Variants in PRUNE2 observed in about 807,000 individuals in gnomAD.
PRUNE2 encodes the protein prune homolog 2 with BCH domain, also known as protein prune homolog 2.
Under a neutral mutation model 252.0 loss-of-function variants are expected in PRUNE2, and 164 were observed. The ratio of observed to expected loss-of-function variants is 0.65; its 90% confidence interval spans 0.57 to 0.74. PRUNE2 has a LOEUF of 0.74. Ranked by LOEUF, PRUNE2 falls within the 30% of genes least tolerant of loss-of-function variation. The pLI, the probability that PRUNE2 is intolerant of heterozygous loss-of-function variation, is 0.00. For missense variants in PRUNE2, 3,495 were observed against 3,711.0 expected, an observed-to-expected ratio of 0.94 and a Z score of 1.51; for synonymous variants, 1,292 against 1,350.2, an observed-to-expected ratio of 0.96 and a Z score of 0.94.
At position 76,811,924 on chromosome 9, in the gene PRUNE2, G is replaced by A. The variant is rs530034557; in HGVS notation, c.756+11708C>T. 5.9e-5 allele frequency among the ~76,000 whole-genome samples: 9 copies of A among 152,316 alleles called. No individual in the cohort carries two copies. In the South Asian group the frequency reaches 6.2e-4, roughly 11 times the overall value. On this transcript the variant is annotated intron_variant, in intron 6 of 18. Transcript: ENST00000376718. Reference sequence around the variant, plus strand: ...TACTACCTAGGCAGAAGAAGTAGCCGTGAAGAATGGCGCTGTAGTTGCTGA... The same window carrying A: ...TACTACCTAGGCAGAAGAAGTAGCCATGAAGAATGGCGCTGTAGTTGCTGA...
intron 6 of PRUNE2, among the ~76,000 whole-genome samples, chr9:76,762,724 T>G (rs144271014): frequency 1.3e-5 from 2 of 152,146 alleles, no homozygotes; most frequent in African/African-American, 2.4e-5. Flanking sequence ...CACGACCACA[T>G]GAGATTGAGC....
At chr9:76,833,355 T>C (rs1003095208) in intron 4 of PRUNE2, among the ~76,000 whole-genome samples, 3 of 152,190 alleles carry the variant, frequency 2.0e-5, no homozygotes, top group South Asian at 2.1e-4. Context: ...ATCACCTAGA[T>C]AGACAGATAT....
At chr9:76,755,122 C>T (rs1469625410) in intron 6 of PRUNE2, among the ~76,000 whole-genome samples, 3 of 152,054 alleles carry the variant, frequency 2.0e-5, no homozygotes, top group Non-Finnish European at 4.4e-5. Context: ...TCTGTATTCC[C>T]AAACCCTGAT....
chr9:76,655,362 A>C, intron 10 of PRUNE2, 61 bp downstream of exon 10: 2 of 1,170,454 alleles, frequency 1.7e-6, no homozygotes, highest in Non-Finnish European at 2.5e-6. Flanking sequence ...TCTTTCACTG[A>C]ATAATGAAAA....
intron 15 of PRUNE2, among the ~76,000 whole-genome samples, chr9:76,632,332 A>G (rs1012549673): frequency 5.3e-5 from 8 of 152,170 alleles, no homozygotes; most frequent in Non-Finnish European, 1.0e-4. Context: ...CTTTTTTCAT[A>G]TCTACAAGTT....
intron 10 of PRUNE2, 56 bp downstream of exon 10, chr9:76,655,367 T>C: frequency 8.1e-7 from 1 of 1,233,312 alleles, no homozygotes; most frequent in Non-Finnish European, 1.2e-6. Context: ...CACTGAATAA[T>C]GAAAACGTTG....
chr9:76,724,130 G>A (rs2047889136), intron 6 of PRUNE2, among the ~76,000 whole-genome samples: 1 of 148,614 alleles, frequency 6.7e-6, no homozygotes, highest in African/African-American at 2.5e-5. Context: ...GAAAATGTTT[G>A]GGAGATAATT....
chr9:76,818,177 A>G (rs1016621804), intron 6 of PRUNE2, among the ~76,000 whole-genome samples: 3 of 152,160 alleles, frequency 2.0e-5, no homozygotes, highest in African/African-American at 7.2e-5. Context: ...CTTTCACAAA[A>G]TAAGAGAGTT....
chr9:76,708,174 G>A lies in PRUNE2; in HGVS notation c.4100C>T (p.Ser1367Phe), dbSNP rs182914909. ...TTCCTGATGTTCAGATGCAACCAGA[G>A]AAGACAGTTCCTGGTCACTCTGCCC... ...EKGQSDQELS[S>F]LVASEHQEIC... The change falls in exon 8 of 19, where the codon TCT (serine) becomes TTT (phenylalanine). Residue 1367 changes from serine to phenylalanine, a missense_variant. Coordinates refer to ENST00000376718, the MANE Select transcript of PRUNE2 (RefSeq NM_015225.3). 6.2e-6 allele frequency: 10 copies of A among 1,613,990 alleles called. No homozygotes were observed. In the East Asian group the frequency reaches 1.8e-4, roughly 29 times the overall value.
At position 76,706,398 on chromosome 9, in the gene PRUNE2, C is replaced by T. The variant is rs1314737396; in HGVS notation, c.5876G>A (p.Cys1959Tyr). Reference protein sequence around the residue: ...LTPETPTQEQCQDTMLPVCDH... With the variant: ...LTPETPTQEQYQDTMLPVCDH... Reference sequence around the variant, plus strand: ...ACAGACTGGCAGCATGGTGTCCTGACACTGCTCTTGGGTAGGTGTTTCAGG... The same window carrying T: ...ACAGACTGGCAGCATGGTGTCCTGATACTGCTCTTGGGTAGGTGTTTCAGG... Residue 1959 changes from cysteine to tyrosine, a missense_variant, in exon 8 of 19, where the codon TGT becomes TAT. Coordinates refer to ENST00000376718, the MANE Select transcript of PRUNE2 (RefSeq NM_015225.3). The T allele has an allele frequency of 1.2e-6, 2 of 1,605,338 alleles. No homozygotes were observed. The highest frequency in any genetic ancestry group is 1.7e-6 in the Non-Finnish European group (2 of 1,179,084).
intron 6 of PRUNE2, among the ~76,000 whole-genome samples, chr9:76,720,288 ATATT>A (rs5898503): frequency 0.22 from 32,952 of 152,006 alleles, 4,001 homozygotes; most frequent in East Asian, 0.57. Context: ...AGATTCACTG[ATATT>A]TATTAAAGTT....
rs1486834496 is a variant in PRUNE2, at chr9:76,905,954, A to C, written c.10T>G (p.Phe4Val). The C allele has an allele frequency of 6.2e-7, 1 of 1,614,120 alleles. No homozygotes were observed. The change falls in exon 1 of 19, where the codon TTT becomes GTT. Residue 4 changes from phenylalanine to valine, a missense_variant. Coordinates refer to ENST00000376718, the MANE Select transcript of PRUNE2 (RefSeq NM_015225.3). ...AGTTTAGATTTGGCGCGTTGCAAAA[A>C]TTCTTCCATGTCGTGGCTAGGGGTT... Reference protein sequence around the residue: MEEFLQRAKSKLNR... With the variant: MEEVLQRAKSKLNR...
chr9:76,771,431 A>G (rs2053091225), intron 6 of PRUNE2, among the ~76,000 whole-genome samples: 1 of 152,170 alleles, frequency 6.6e-6, no homozygotes, highest in South Asian at 2.1e-4. Context: ...GCACTCTTCT[A>G]GAAGAAAGAG....
intron 9 of PRUNE2, among the ~76,000 whole-genome samples, chr9:76,661,658 G>C (rs1011261736): frequency 1.3e-5 from 2 of 152,184 alleles, no homozygotes; most frequent in Non-Finnish European, 2.9e-5. Context: ...TAATAATTGA[G>C]AGCCAATGTG....
rs1016609599 is a variant in PRUNE2 at position 76,706,592 on chromosome 9, G to T, written c.5682C>A (p.Pro1894=). The change falls in exon 8 of 19, where the codon CCC becomes CCA. Residue 1894 remains proline (P), a synonymous_variant. Transcript: ENST00000376718. ...AGTTCTTCCCATTACCTTCCAGAAA[G>T]GGTGACTGATGGTTGTCACTAAAAG... The part of the protein sequence containing the change: ...TNPFSDNHQS[P]FLEGNGKNSH... The T allele has an allele frequency of 1.9e-6, 3 of 1,613,922 alleles. No individual in the cohort carries two copies. Among genetic ancestry groups the T allele is most frequent in the African/African-American group, 2.7e-5 (2 of 75,028 alleles).
chr9:76,684,238 T>C (rs1262178488), intron 9 of PRUNE2, among the ~76,000 whole-genome samples: 2 of 152,214 alleles, frequency 1.3e-5, no homozygotes, highest in Non-Finnish European at 2.9e-5. Flanking sequence ...TCACTCCCCT[T>C]TCCTTCATCC....
intron 6 of PRUNE2, chr9:76,779,565 A>G (rs1328867701): frequency 6.6e-6 from 1 of 152,230 alleles, no homozygotes; most frequent in Non-Finnish European, 1.5e-5. Context: ...GTGGAAGGAC[A>G]GCATTGTGGC....
At chr9:76,658,084 C>T (rs12349868) in intron 9 of PRUNE2, among the ~76,000 whole-genome samples, 1,939 of 152,266 alleles carry the variant, frequency 0.013, 43 homozygotes, top group African/African-American at 0.043. Context: ...CTAGGCCGGG[C>T]GCAGTGGCTC....
In PRUNE2 at chr9:76,685,615, C is replaced by T. The variant is rs550252239; in HGVS notation, c.8276+17722G>A. 2.6e-5 allele frequency among the ~76,000 whole-genome samples: 4 copies of T among 152,148 alleles called. No individual in the cohort carries two copies. The South Asian group carries it at 6.2e-4, about 24-fold the overall frequency. On this transcript the variant is annotated intron_variant, in intron 9 of 18. Coordinates refer to ENST00000376718, the MANE Select transcript of PRUNE2 (RefSeq NM_015225.3). ...ACACAAACACACACAGAGGGAAGAC[C>T]GGAAGACCAGAAGACATGGGGAGAA...
Sources: gnomAD v4.1 joint callset for allele counts (sites outside exome capture counted in the v4.1 genomes callset) on GRCh38, gnomAD v4.1.1 for gene constraint, MANE v1.5 for transcripts, NCBI Gene and HGNC (gene_info 2026-07-23, HGNC 2026-07-21) for gene names.